FMN1: variants seen among roughly 807,000 people sequenced by gnomAD.
FMN1 encodes formin-1.
A neutral mutation model predicts 132.4 loss-of-function variants in FMN1; 110 were observed. The ratio of observed to expected loss-of-function variants is 0.83; its 90% CI spans 0.71 to 0.97. The LOEUF (loss-of-function observed/expected upper bound fraction) is 0.97. Ranked by LOEUF, FMN1 falls within the 50% of genes least tolerant of loss-of-function variation. The pLI is 0.00. For synonymous variants in FMN1, 722 were observed against 651.7 expected, an observed-to-expected ratio of 1.11 and a Z score of -1.64; for missense variants, 1,792 against 1,705.3, an observed-to-expected ratio of 1.05 and a Z score of -0.90.
intron 19 of FMN1, among the ~76,000 whole-genome samples, chr15:32,788,793 T>C (rs1258691177): frequency 6.6e-6 from 1 of 152,212 alleles, no homozygotes; most frequent in East Asian, 1.9e-4. Flanking sequence ...AGGCTTGGCA[T>C]AGCCATGAAT....
rs1399797145 is a variant in FMN1 at position 32,900,091 on chromosome 15, A to C, written c.3542T>G (p.Leu1181Ter). 9.9e-6 allele frequency: 16 copies of C among 1,613,764 alleles called. No homozygotes were observed. The highest frequency in any genetic ancestry group is 1.4e-5 in the Non-Finnish European group (16 of 1,179,842). ...LLHVKSVKDILALILAFGNYM... is the reference protein window; with the variant it reads ...LLHVKSVKDI ...ATTTCCAAAAGCCAAGATGAGAGCT[A>C]AAATATCCTTCACGCTCTTCACGTG... Residue 1181 changes from leucine (L) to a stop codon, truncating the protein, a stop_gained, in exon 14 of 21, where the codon TTA becomes TGA. Coordinates refer to ENST00000616417, the MANE Select transcript of FMN1 (RefSeq NM_001277313.2). LOFTEE classifies it high-confidence loss of function.
intron 15 of FMN1, among the ~76,000 whole-genome samples, chr15:32,897,046 C>T (rs2060177052): frequency 6.6e-6 from 1 of 152,122 alleles, no homozygotes; most frequent in African/African-American, 2.4e-5. Flanking sequence ...TAACTGGTTC[C>T]ATTTTTTCTA....
intron 6 of FMN1, among the ~76,000 whole-genome samples, chr15:33,046,031 G>A (rs1381786864): frequency 6.6e-6 from 1 of 152,032 alleles, no homozygotes; most frequent in African/African-American, 2.4e-5. Context: ...TATTGTTCTT[G>A]CCTTGCTGAA....
chr15:33,137,548 T>A (rs1417879496), intron 4 of FMN1, among the ~76,000 whole-genome samples: 2 of 152,220 alleles, frequency 1.3e-5, no homozygotes, highest in East Asian at 3.8e-4. Flanking sequence ...TGTTTAATGA[T>A]ATCACCAAAG....
At chr15:32,875,779 T>A (rs971388620) in intron 16 of FMN1, among the ~76,000 whole-genome samples, 1 of 152,180 alleles carries the variant, frequency 6.6e-6, no homozygotes, top group African/African-American at 2.4e-5. Context: ...ACAACTTACT[T>A]AGGCAGAAAA....
At chr15:32,821,281 A>G (rs928666540) in intron 17 of FMN1, among the ~76,000 whole-genome samples, 4 of 151,762 alleles carry the variant, frequency 2.6e-5, no homozygotes, top group Admixed American at 2.0e-4. Context: ...ATATATTTAG[A>G]TTAATCCTCA....
chr15:32,916,853 C>T (rs1380759736), intron 10 of FMN1, among the ~76,000 whole-genome samples: 1 of 152,020 alleles, frequency 6.6e-6, no homozygotes, highest in Non-Finnish European at 1.5e-5. Context: ...TTTTTCAGAA[C>T]TCGACAGAAA....
intron 5 of FMN1, among the ~76,000 whole-genome samples, chr15:33,086,833 C>T (rs1253038951): frequency 6.6e-6 from 1 of 152,182 alleles, no homozygotes; most frequent in South Asian, 2.1e-4. Flanking sequence ...TCTAAACCTC[C>T]TTTTGTAATA....
At chr15:32,893,944 A>T (rs2060092058) in intron 15 of FMN1, among the ~76,000 whole-genome samples, 1 of 152,186 alleles carries the variant, frequency 6.6e-6, no homozygotes, top group South Asian at 2.1e-4. Flanking sequence ...TGTCACCCTC[A>T]AAGATTCTTC....
At chr15:33,004,225 G>C (rs1257897807) in intron 7 of FMN1, among the ~76,000 whole-genome samples, 1 of 152,110 alleles carries the variant, frequency 6.6e-6, no homozygotes, top group Admixed American at 6.6e-5. Context: ...CTTCTGCAAA[G>C]CAAAAGAAAC....
intron 17 of FMN1, among the ~76,000 whole-genome samples, chr15:32,805,582 A>G (rs969438535): frequency 6.6e-6 from 1 of 152,204 alleles, no homozygotes; most frequent in Non-Finnish European, 1.5e-5. Flanking sequence ...GATAACAGAC[A>G]TAGCTAATAG....
intron 4 of FMN1, among the ~76,000 whole-genome samples, chr15:33,127,946 G>A (rs955548310): frequency 6.6e-6 from 1 of 152,094 alleles, no homozygotes; most frequent in African/African-American, 2.4e-5. Context: ...GCAGCAACAG[G>A]ACAGGAGAAA....
intron 5 of FMN1, among the ~76,000 whole-genome samples, chr15:33,082,981 T>C (rs1247969121): frequency 6.6e-6 from 1 of 152,170 alleles, no homozygotes; most frequent in Admixed American, 6.6e-5. Flanking sequence ...GTTCAGTCTT[T>C]CCAGAGCTTT....
intron 19 of FMN1, among the ~76,000 whole-genome samples, chr15:32,779,779 C>T (rs2056605608): frequency 6.6e-6 from 1 of 152,222 alleles, no homozygotes; most frequent in African/African-American, 2.4e-5. Flanking sequence ...GGAACTTCTA[C>T]TATTCCCATT....
intron 4 of FMN1, among the ~76,000 whole-genome samples, chr15:33,136,555 G>C (rs1248882667): frequency 6.6e-6 from 1 of 152,080 alleles, no homozygotes; most frequent in Admixed American, 6.5e-5. Context: ...CCATGTTTTA[G>C]TTATTTCCTC....
chr15:32,910,062 C>T (rs2060520179), intron 11 of FMN1, among the ~76,000 whole-genome samples: 1 of 152,170 alleles, frequency 6.6e-6, no homozygotes, highest in African/African-American at 2.4e-5. Context: ...ACACACCTTC[C>T]CACATTCAAT....
chr15:33,078,251 GTGCT>G (rs1270170770), intron 5 of FMN1, among the ~76,000 whole-genome samples: 1 of 152,188 alleles, frequency 6.6e-6, no homozygotes, highest in Non-Finnish European at 1.5e-5. Context: ...TCTTAACCAA[GTGCT>G]TGCTTGATTC....
chr15:32,939,173 A>G (rs2061346356), intron 9 of FMN1, among the ~76,000 whole-genome samples: 1 of 152,208 alleles, frequency 6.6e-6, no homozygotes, highest in Admixed American at 6.5e-5. Context: ...AGTGATAACA[A>G]TACTTCAGGC....
intron 4 of FMN1, among the ~76,000 whole-genome samples, chr15:33,108,604 T>TA (rs2039577164): frequency 6.6e-6 from 1 of 151,908 alleles, no homozygotes; most frequent in African/African-American, 2.4e-5. Flanking sequence ...AAGGCTACTA[T>TA]ATAATGAAAA....
Sources: gnomAD v4.1 joint callset for allele counts (sites outside exome capture counted in the v4.1 genomes callset) on GRCh38, gnomAD v4.1.1 for gene constraint, MANE v1.5 for transcripts, NCBI Gene and HGNC (gene_info 2026-07-23, HGNC 2026-07-21) for gene names.